The following WASHC3 variants were observed in gnomAD, a reference collection of about 807,000 sequenced individuals.
WASHC3 encodes WASH complex subunit 3.
WASHC3 carries 24 observed loss-of-function variants against 26.1 expected under a neutral mutation model. The ratio of observed to expected loss-of-function variants is 0.92; its 90% CI spans 0.66 to 1.29. The LOEUF is 1.29. Ranked by LOEUF, WASHC3 falls within the 50% of genes most tolerant of loss-of-function variation. The pLI is 0.00. For synonymous variants in WASHC3, 77 were observed against 75.7 expected (o/e 1.02, Z -0.09); for missense variants, 214 against 229.6 (o/e 0.93, Z 0.44).
chr12:102,052,047 T>C (rs1323725016), intron 2 of WASHC3, among the ~76,000 whole-genome samples: 1 of 152,206 alleles, frequency 6.6e-6, no homozygotes, highest in Non-Finnish European at 1.5e-5. Context: ...AATAGGACTT[T>C]CCAGCACTGA....
At chr12:102,025,041 T>C (rs1877117291) in intron 6 of WASHC3, among the ~76,000 whole-genome samples, 1 of 152,202 alleles carries the variant, frequency 6.6e-6, no homozygotes, top group Non-Finnish European at 1.5e-5. Flanking sequence ...AAAGAATTCA[T>C]AAATTTCATA....
chr12:102,021,405 T>C (rs946490236), intron 6 of WASHC3, among the ~76,000 whole-genome samples: 1 of 152,182 alleles, frequency 6.6e-6, no homozygotes, highest in Non-Finnish European at 1.5e-5. Flanking sequence ...GGATCCTTTA[T>C]TTCCCAGCAG....
intron 5 of WASHC3, among the ~76,000 whole-genome samples, chr12:102,028,460 T>C (rs929479309): frequency 6.6e-6 from 1 of 152,164 alleles, no homozygotes; most frequent in African/African-American, 2.4e-5. Context: ...AACTATGGTT[T>C]GATGGTATAA....
intron 2 of WASHC3, chr12:102,048,468 G>C (rs1398288415): frequency 6.6e-6 from 1 of 152,236 alleles, no homozygotes; most frequent in African/African-American, 2.4e-5. Context: ...AGGAGGCTGA[G>C]GCAGGAGAAT....
intron 2 of WASHC3, among the ~76,000 whole-genome samples, chr12:102,051,164 C>G (rs1878378799): frequency 2.0e-5 from 3 of 152,208 alleles, no homozygotes; most frequent in Admixed American, 2.0e-4. Context: ...GAGGGTTTAT[C>G]TGTGACTGAA....
intron 5 of WASHC3, among the ~76,000 whole-genome samples, chr12:102,030,120 A>C (rs1013992668): frequency 6.6e-6 from 1 of 151,912 alleles, no homozygotes; most frequent in Admixed American, 6.6e-5. Context: ...ACATGGAGAA[A>C]CCGTGTCTCT....
chr12:102,045,209 A>G (rs1878108663), intron 3 of WASHC3, among the ~76,000 whole-genome samples: 2 of 152,174 alleles, frequency 1.3e-5, no homozygotes, highest in South Asian at 4.1e-4. Context: ...AATAGTTTCA[A>G]GTGGGTATGG....
intron 2 of WASHC3, among the ~76,000 whole-genome samples, chr12:102,051,972 G>C (rs1878410651): frequency 6.6e-6 from 1 of 152,180 alleles, no homozygotes. Context: ...TAGACAATCA[G>C]TTACAGTCAA....
chr12:102,013,164 C>A lies in WASHC3; in HGVS notation c.529G>T (p.Glu177Ter), dbSNP rs184135971. ...CTTTCTTCTACAGTTTTCTCACTTTCGCCATCAGGCACTGGAGCATCTGGC... is the reference window on the plus strand; with the variant it reads ...CTTTCTTCTACAGTTTTCTCACTTTAGCCATCAGGCACTGGAGCATCTGGC... ...ERPDAPVPDGESEKTVEESSD... is the reference protein window; with the variant it reads ...ERPDAPVPDG The change falls in exon 7 of 7, where the codon GAA becomes TAA. Residue 177 changes from glutamate to a stop codon, truncating the protein, a stop_gained. Coordinates refer to ENST00000240079, the MANE Select transcript of WASHC3 (RefSeq NM_016053.4). LOFTEE classifies it high-confidence loss of function. 1 of 1,547,976 alleles carries A rather than the reference C, an allele frequency of 6.5e-7. No homozygotes were observed. The highest frequency in any genetic ancestry group is 8.8e-7 in the Non-Finnish European group (1 of 1,140,088).
Position 102,061,355 on chromosome 12 carries a change from C to G in WASHC3, c.52-9G>C. On this transcript the variant is annotated splice_polypyrimidine_tract_variant and intron_variant, in intron 1 of 6. Transcript: ENST00000240079. The stretch of plus-strand genomic sequence containing the variant: ...TGTTGAATAGCTGGCACCTGTGTTA[C>G]GTAAAAACAAACATGGTTCATACAG... 6.3e-7 allele frequency: 1 copy of G among 1,595,176 alleles called. No homozygotes were observed.
intron 5 of WASHC3, among the ~76,000 whole-genome samples, chr12:102,036,181 G>A (rs1243538419): frequency 3.3e-5 from 5 of 152,052 alleles, no homozygotes; most frequent in Non-Finnish European, 5.9e-5. Flanking sequence ...CCAACAGGGC[G>A]AAACCCCGTC....
intron 4 of WASHC3, among the ~76,000 whole-genome samples, chr12:102,043,339 G>A (rs4357749): frequency 0.2 from 29,733 of 151,970 alleles, 2,915 homozygotes; most frequent in Non-Finnish European, 0.21. Flanking sequence ...GTGTAATCTC[G>A]GTTCACTGCA....
chr12:102,020,191 A>C (rs1876892455), intron 6 of WASHC3, among the ~76,000 whole-genome samples: 1 of 152,192 alleles, frequency 6.6e-6, no homozygotes, highest in South Asian at 2.1e-4. Flanking sequence ...AGCAATATTA[A>C]AGCCTTGCTG....
chr12:102,014,761 G>A (rs771309815), intron 6 of WASHC3, among the ~76,000 whole-genome samples: 7 of 152,062 alleles, frequency 4.6e-5, no homozygotes, highest in Admixed American at 3.3e-4. Flanking sequence ...TACTAACATG[G>A]GACCATCATC....
chr12:102,037,520 G>A (rs1877718710), intron 5 of WASHC3, among the ~76,000 whole-genome samples: 1 of 152,132 alleles, frequency 6.6e-6, no homozygotes, highest in Non-Finnish European at 1.5e-5. Context: ...GAAGATATCT[G>A]GGGAAAAGTG....
chr12:102,014,359 G>A (rs1594343968), intron 6 of WASHC3, among the ~76,000 whole-genome samples: 1 of 138,334 alleles, frequency 7.2e-6, no homozygotes, highest in African/African-American at 2.7e-5. Context: ...ATGCGAGCCC[G>A]TGCCTGGCCT....
intron 6 of WASHC3, among the ~76,000 whole-genome samples, chr12:102,021,469 T>A (rs1876955706): frequency 6.6e-6 from 1 of 152,190 alleles, no homozygotes; most frequent in Non-Finnish European, 1.5e-5. Context: ...CTTTTTAACA[T>A]CTCCTCTTTG....
chr12:102,047,825 G>C (rs1228210814), intron 2 of WASHC3, among the ~76,000 whole-genome samples: 1 of 152,084 alleles, frequency 6.6e-6, no homozygotes, highest in East Asian at 1.9e-4. Context: ...AAATATCTGA[G>C]TATTTACCTT....
chr12:102,032,595 GA>G (rs1024026512), intron 5 of WASHC3, among the ~76,000 whole-genome samples: 4 of 151,684 alleles, frequency 2.6e-5, no homozygotes, highest in East Asian at 3.8e-4. Flanking sequence ...GGTTAAAAAG[GA>G]AAAAAAAGTC....
Sources: gnomAD v4.1 joint callset for allele counts (sites outside exome capture counted in the v4.1 genomes callset) on GRCh38, gnomAD v4.1.1 for gene constraint, MANE v1.5 for transcripts, NCBI Gene and HGNC (gene_info 2026-07-23, HGNC 2026-07-21) for gene names.